The following C11orf87 variants were observed in gnomAD, a reference collection of about 807,000 sequenced individuals.
C11orf87 encodes the protein uncharacterized protein C11orf87.
In C11orf87, 3 loss-of-function variants were observed where a neutral mutation model predicts 9.2. The observed-to-expected ratio is 0.33, with a 90% CI of 0.15 to 0.84. The LOEUF is 0.84. Among genes scored for constraint, C11orf87 ranks in the 40% least tolerant of loss-of-function variants. C11orf87 has a pLI of 0.55. For synonymous variants in C11orf87, 124 were observed against 124.6 expected (o/e 1.00, Z 0.03); for missense variants, 256 against 270.7 (o/e 0.95, Z 0.38).
At position 109,424,118 on chromosome 11, in the gene C11orf87, G is replaced by A; in HGVS notation, c.485G>A (p.Cys162Tyr). The A allele has an allele frequency of 6.2e-7, 1 of 1,613,866 alleles. No homozygotes were observed. Residue 162 changes from cysteine (C) to tyrosine (Y), a missense_variant, in exon 2 of 2, where the codon TGT (cysteine) becomes TAT (tyrosine). Physicochemically the swap from Cys to Tyr is radical, Grantham distance 194. Coordinates refer to ENST00000327419, the MANE Select transcript of C11orf87 (RefSeq NM_207645.4). The surrounding 1 kb of genome is among the most constrained non-coding windows in gnomAD (Gnocchi z 4.7). ...SSPGLPCQGP[C>Y]APPPPPPASS... Reference sequence around the variant, plus strand: ...CCTGGCCTCCCGTGCCAGGGTCCCTGTGCTCCTCCGCCTCCACCGCCAGCC... The same window carrying A: ...CCTGGCCTCCCGTGCCAGGGTCCCTATGCTCCTCCGCCTCCACCGCCAGCC...
In C11orf87 at chr11:109,424,264, G is replaced by T; in HGVS notation, c.*37G>T. On this transcript the variant is annotated 3_prime_UTR_variant, in exon 2 of 2. Transcript: ENST00000327419. This position sits in a 1 kb window ranked among gnomAD's most constrained non-coding sequence, Gnocchi z 4.7. Reference sequence around the variant, plus strand: ...CTCTCGTTCCCCGTCCTCGTTTCCAGCATCTTTGCCACCCTTGCTTTTTTC... The same window carrying T: ...CTCTCGTTCCCCGTCCTCGTTTCCATCATCTTTGCCACCCTTGCTTTTTTC... 6.5e-7 allele frequency: 1 copy of T among 1,533,732 alleles called. No individual in the cohort carries two copies. Among genetic ancestry groups the T allele is most frequent in the African/African-American group, 1.4e-5 (1 of 72,546 alleles).
In C11orf87 at chr11:109,424,968, A is replaced by G. The variant is rs1860550992; in HGVS notation, c.*741A>G. 6.0e-6 allele frequency: 1 copy of G among 167,128 alleles called. No individual in the cohort carries two copies. Among genetic ancestry groups the G allele is most frequent in the Admixed American group, 6.5e-5 (1 of 15,288 alleles). 10.4% of individuals were successfully genotyped at this position (167,128 alleles called of 1,614,324 possible). A position where few individuals can be genotyped will look rare whatever the true frequency, so the allele number is the denominator to read the frequency against. On this transcript the variant is annotated 3_prime_UTR_variant, in exon 2 of 2. Coordinates refer to ENST00000327419, the MANE Select transcript of C11orf87 (RefSeq NM_207645.4). The surrounding 1 kb of genome is among the most constrained non-coding windows in gnomAD (Gnocchi z 4.7). Reference sequence around the variant, plus strand: ...TTAAAATGACCCTCGCTGGCCGAGCATAAGTACGTTAAAATCTTTAAATGA... The same window carrying G: ...TTAAAATGACCCTCGCTGGCCGAGCGTAAGTACGTTAAAATCTTTAAATGA...
rs1860552650 is a variant in C11orf87, at chr11:109,425,036, C to G, written c.*809C>G. On this transcript the variant is annotated 3_prime_UTR_variant, in exon 2 of 2. Transcript: ENST00000327419. ...AACGCTTTCATTCCCTGCCCCGCCCCCACCCGTACACCTTTGACTTGTGAC... is the reference window on the plus strand; with the variant it reads ...AACGCTTTCATTCCCTGCCCCGCCCGCACCCGTACACCTTTGACTTGTGAC... 1 of 167,188 alleles carries G rather than the reference C, an allele frequency of 6.0e-6. No individual in the cohort carries two copies. Among genetic ancestry groups the G allele is most frequent in the Non-Finnish European group, 1.5e-5 (1 of 68,096 alleles). 10.4% of individuals were successfully genotyped at this position (167,188 alleles called of 1,614,324 possible).
rs1201987890 is a variant in C11orf87, at chr11:109,425,115, A to G, written c.*888A>G. On this transcript the variant is annotated 3_prime_UTR_variant, in exon 2 of 2. Coordinates refer to ENST00000327419, the MANE Select transcript of C11orf87 (RefSeq NM_207645.4). ...GCTGTCCAGCCAGGTCTGGTGCTGA[A>G]GTCGCCTCACCGTTCTGATTACTTC... is the stretch of plus-strand genomic sequence containing the variant. The G allele has an allele frequency of 6.0e-6, 1 of 166,740 alleles. No homozygotes were observed. Among genetic ancestry groups the G allele is most frequent in the Admixed American group, 6.6e-5 (1 of 15,234 alleles). 10.3% of individuals were successfully genotyped at this position (166,740 alleles called of 1,614,324 possible). A position where few individuals can be genotyped will look rare whatever the true frequency, so the allele number is the denominator to read the frequency against.
chr11:109,426,352 C>T lies in C11orf87; in HGVS notation c.*2125C>T, dbSNP rs1219969496. The T allele has an allele frequency of 6.6e-6, 1 of 152,164 alleles. No individual in the cohort carries two copies. Among genetic ancestry groups the T allele is most frequent in the East Asian group, 1.9e-4 (1 of 5,198 alleles). 9.4% of individuals were successfully genotyped at this position (152,164 alleles called of 1,614,324 possible). On this transcript the variant is annotated 3_prime_UTR_variant, in exon 2 of 2. Transcript: ENST00000327419. ...TTGGTCCAGACATATGTGCTCTTAT[C>T]CAGAGGAAACATTACCTCTAATATT... is the stretch of plus-strand genomic sequence containing the variant.
rs74732033 is a variant in C11orf87 at position 109,423,892 on chromosome 11, C to A, written c.259C>A (p.Arg87Ser). Reference protein sequence around the residue: ...LSLSTFHIHKRRMKKRKMQRA... With the variant: ...LSLSTFHIHKSRMKKRKMQRA... ...CCTCTCCACTTTCCACATCCACAAG[C>A]GTAGGATGAAGAAGCGGAAGATGCA... Residue 87 changes from arginine to serine, a missense_variant, in exon 2 of 2, where the codon CGT (arginine) becomes AGT (serine). Physicochemically the swap from Arg to Ser is moderately radical, Grantham distance 110 (BLOSUM62 -1). Transcript: ENST00000327419. The surrounding 1 kb of genome is among the most constrained non-coding windows in gnomAD (Gnocchi z 5.3). The A allele has an allele frequency of 1.2e-6, 2 of 1,614,002 alleles. No homozygotes were observed. Among genetic ancestry groups the A allele is most frequent in the Non-Finnish European group, 1.7e-6 (2 of 1,179,974 alleles).
In C11orf87 at chr11:109,423,299, G is replaced by A. The variant is rs1463773793; in HGVS notation, c.-259-76G>A. 4 of 381,142 alleles carry A rather than the reference G, an allele frequency of 1.0e-5. No individual in the cohort carries two copies. The East Asian group carries it at 1.7e-4, about 16-fold the overall frequency. 23.6% of individuals were successfully genotyped at this position (381,142 alleles called of 1,614,324 possible). On this transcript the variant is annotated intron_variant, in intron 1 of 1. Coordinates refer to ENST00000327419, the MANE Select transcript of C11orf87 (RefSeq NM_207645.4). The surrounding 1 kb of genome is among the most constrained non-coding windows in gnomAD (Gnocchi z 5.3). ...CAGTGTGCCCAGAGGGCCGCTTTGC[G>A]GTGGTGGTTGATCTTTCCCGACAGC...
chr11:109,428,261 G>A lies in C11orf87; in HGVS notation c.*4034G>A, dbSNP rs1367169311. ...TTGTGTAGAAATACAATTTATATCT[G>A]CATAGCTAAAGGTAAAGTGAAAATA... On this transcript the variant is annotated 3_prime_UTR_variant, in exon 2 of 2. Transcript: ENST00000327419. 1 of 152,016 alleles carries A rather than the reference G, an allele frequency of 6.6e-6. No homozygotes were observed. Among genetic ancestry groups the A allele is most frequent in the Non-Finnish European group, 1.5e-5 (1 of 67,958 alleles). 9.4% of individuals were successfully genotyped at this position (152,016 alleles called of 1,614,324 possible).
rs1860547773 is a variant in C11orf87 at position 109,424,732 on chromosome 11, A to G, written c.*505A>G. 1 of 167,052 alleles carries G rather than the reference A, an allele frequency of 6.0e-6. No individual in the cohort carries two copies. Among genetic ancestry groups the G allele is most frequent in the African/African-American group, 2.4e-5 (1 of 41,388 alleles). 10.3% of individuals were successfully genotyped at this position (167,052 alleles called of 1,614,324 possible). Reference sequence around the variant, plus strand: ...ACCCCTAAGCTTTCACTTTTCCTTTAGCTTCCCTTTCCTCCCCATTCCCAC... The same window carrying G: ...ACCCCTAAGCTTTCACTTTTCCTTTGGCTTCCCTTTCCTCCCCATTCCCAC... On this transcript the variant is annotated 3_prime_UTR_variant, in exon 2 of 2. Coordinates refer to ENST00000327419, the MANE Select transcript of C11orf87 (RefSeq NM_207645.4). This position sits in a 1 kb window ranked among gnomAD's most constrained non-coding sequence, Gnocchi z 4.7.
chr11:109,422,722 CTTTTTTTT>C lies in C11orf87; in HGVS notation c.-260+478_-260+485del, dbSNP rs772868114. ...TCAGCTGAGAAAGATGCTTCAGCTGCTTTTTTTTTTTTTTTTTTTTTTTTTTGGAGAGG... is the reference window on the plus strand; with the variant it reads ...TCAGCTGAGAAAGATGCTTCAGCTGCTTTTTTTTTTTTTTTTTTGGAGAGG... On this transcript the variant is annotated intron_variant, in intron 1 of 1. Coordinates refer to ENST00000327419, the MANE Select transcript of C11orf87 (RefSeq NM_207645.4). Among the ~76,000 whole-genome samples the C allele has an allele frequency of 7.7e-4, 55 of 71,422 alleles. No homozygotes were observed. In the South Asian group the frequency reaches 0.027, roughly 35 times the overall value. 46.9% of individuals were successfully genotyped at this position (71,422 alleles called of 152,430 possible).
chr11:109,428,378 A>G lies in C11orf87; in HGVS notation c.*4151A>G, dbSNP rs527782196. The G allele has an allele frequency of 2.6e-5, 4 of 152,224 alleles. No individual in the cohort carries two copies. The highest frequency in any genetic ancestry group is 1.3e-4 in the Admixed American group (2 of 15,288). 9.4% of individuals were successfully genotyped at this position (152,224 alleles called of 1,614,324 possible). On this transcript the variant is annotated 3_prime_UTR_variant, in exon 2 of 2. Transcript: ENST00000327419. ...TTCTTTGACATCTGACTTTTCCACC[A>G]TTTCTATCTGTATCAATTGTATTAA...
chr11:109,423,817 C>T lies in C11orf87; in HGVS notation c.184C>T (p.Leu62=). The change falls in exon 2 of 2, where the codon CTG becomes TTG. Residue 62 remains leucine (L), a synonymous_variant. Coordinates refer to ENST00000327419, the MANE Select transcript of C11orf87 (RefSeq NM_207645.4). The surrounding 1 kb of genome is among the most constrained non-coding windows in gnomAD (Gnocchi z 5.3). ...QQLFQSFSST[L]VLIVLVTLIF... ...GCTCTTCCAGTCCTTCTCCTCCACG[C>T]TGGTGCTGATTGTCCTGGTTACCCT... 1 of 1,614,142 alleles carries T rather than the reference C, an allele frequency of 6.2e-7. No individual in the cohort carries two copies. The highest frequency in any genetic ancestry group is 8.5e-7 in the Non-Finnish European group (1 of 1,179,978).
chr11:109,428,235 G>A lies in C11orf87; in HGVS notation c.*4008G>A, dbSNP rs1464827131. The A allele has an allele frequency of 6.6e-6, 1 of 152,050 alleles. No individual in the cohort carries two copies. Among genetic ancestry groups the A allele is most frequent in the Non-Finnish European group, 1.5e-5 (1 of 67,958 alleles). 9.4% of individuals were successfully genotyped at this position (152,050 alleles called of 1,614,324 possible). On this transcript the variant is annotated 3_prime_UTR_variant, in exon 2 of 2. Coordinates refer to ENST00000327419, the MANE Select transcript of C11orf87 (RefSeq NM_207645.4). ...GATTTTTTTCATTTTCAACCTATAT[G>A]TTGTGTAGAAATACAATTTATATCT...
rs1354903697 is a variant in C11orf87 at position 109,428,815 on chromosome 11, A to AT, written c.*4589dup. 1 of 152,216 alleles carries AT rather than the reference A, an allele frequency of 6.6e-6. No homozygotes were observed. The highest frequency in any genetic ancestry group is 2.1e-4 in the South Asian group (1 of 4,828). 9.4% of individuals were successfully genotyped at this position (152,216 alleles called of 1,614,324 possible). A position where few individuals can be genotyped will look rare whatever the true frequency, so the allele number is the denominator to read the frequency against. On this transcript the variant is annotated 3_prime_UTR_variant, in exon 2 of 2. Coordinates refer to ENST00000327419, the MANE Select transcript of C11orf87 (RefSeq NM_207645.4). ...AATACTTATTAATGTCTTCAACCTA[A>AT]TAATACAATTGGTGTCATGTATGAA...
In C11orf87 at chr11:109,423,469, T is replaced by A; in HGVS notation, c.-165T>A. The A allele has an allele frequency of 1.5e-6, 1 of 678,670 alleles. No individual in the cohort carries two copies. The highest frequency in any genetic ancestry group is 2.4e-6 in the Non-Finnish European group (1 of 411,550). 42.0% of individuals were successfully genotyped at this position (678,670 alleles called of 1,614,324 possible). On this transcript the variant is annotated 5_prime_UTR_variant, in exon 2 of 2. Coordinates refer to ENST00000327419, the MANE Select transcript of C11orf87 (RefSeq NM_207645.4). The surrounding 1 kb of genome is among the most constrained non-coding windows in gnomAD (Gnocchi z 5.3). ...GGCGCCGCTCACTCCTTGGTCGCCT[T>A]GCTTGCCAGCAGTTGCTCCCTTAGT...
At position 109,424,402 on chromosome 11, in the gene C11orf87, T is replaced by A; in HGVS notation, c.*175T>A. On this transcript the variant is annotated 3_prime_UTR_variant, in exon 2 of 2. Coordinates refer to ENST00000327419, the MANE Select transcript of C11orf87 (RefSeq NM_207645.4). The surrounding 1 kb of genome is among the most constrained non-coding windows in gnomAD (Gnocchi z 4.7). ...CCGCCGAGGCACTGTGCGGTATTTG[T>A]AAATATTGGGCGAGGAAAGTCTCGG... 1.7e-6 allele frequency: 1 copy of A among 571,612 alleles called. No homozygotes were observed. Among genetic ancestry groups the A allele is most frequent in the Non-Finnish European group, 3.1e-6 (1 of 319,438 alleles). The allele number at this position is 571,612 out of a possible 1,614,324, so 35.4% of individuals were successfully genotyped here. A position where few individuals can be genotyped will look rare whatever the true frequency, so the allele number is the denominator to read the frequency against.
rs539271826 is a variant in C11orf87, at chr11:109,423,751, G to A, written c.118G>A (p.Ala40Thr). ...CAACACGGGTGCCCGCGGCCCAGGC[G>A]CAGTAGGCAGCGGCACCTGCATCAC... Reference protein sequence around the residue: ...SGNTGARGPGAVGSGTCITQV... With the variant: ...SGNTGARGPGTVGSGTCITQV... The change falls in exon 2 of 2, where the codon GCA (alanine) becomes ACA (threonine). Residue 40 changes from alanine (A) to threonine (T), a missense_variant. Transcript: ENST00000327419. The surrounding 1 kb of genome is among the most constrained non-coding windows in gnomAD (Gnocchi z 5.3). The A allele has an allele frequency of 3.4e-5, 55 of 1,613,804 alleles. No individual in the cohort carries two copies. Among genetic ancestry groups the A allele is most frequent in the Admixed American group, 3.2e-4 (19 of 59,992 alleles).
Position 109,427,624 on chromosome 11 carries a change from C to A in C11orf87, c.*3397C>A, listed in dbSNP as rs565073003. The A allele has an allele frequency of 6.6e-6, 1 of 152,116 alleles. No individual in the cohort carries two copies. Among genetic ancestry groups the A allele is most frequent in the Non-Finnish European group, 1.5e-5 (1 of 67,986 alleles). The allele number at this position is 152,116 out of a possible 1,614,324, so 9.4% of individuals were successfully genotyped here. A position where few individuals can be genotyped will look rare whatever the true frequency, so the allele number is the denominator to read the frequency against. On this transcript the variant is annotated 3_prime_UTR_variant, in exon 2 of 2. Coordinates refer to ENST00000327419, the MANE Select transcript of C11orf87 (RefSeq NM_207645.4). ...CACTGATGTCCCGTCAAACTAAATG[C>A]TTCAAACCCCTATAGCTACAGCTTA... is the stretch of plus-strand genomic sequence containing the variant.
chr11:109,424,299 T>C lies in C11orf87; in HGVS notation c.*72T>C. On this transcript the variant is annotated 3_prime_UTR_variant, in exon 2 of 2. Coordinates refer to ENST00000327419, the MANE Select transcript of C11orf87 (RefSeq NM_207645.4). This position sits in a 1 kb window ranked among gnomAD's most constrained non-coding sequence, Gnocchi z 4.7. ...CACCCTTGCTTTTTTCCTTCTTCCT[T>C]CCTTTTCCATTTTCCTCTGGCCCCT... The C allele has an allele frequency of 1.6e-6, 2 of 1,261,522 alleles. 1 individual carries two copies. The highest frequency in any genetic ancestry group is 2.7e-5 in the South Asian group (2 of 74,426). 78.1% of individuals were successfully genotyped at this position (1,261,522 alleles called of 1,614,324 possible).
Sources: gnomAD v4.1 joint callset for allele counts (sites outside exome capture counted in the v4.1 genomes callset) on GRCh38, gnomAD v4.1.1 for gene constraint, Gnocchi (gnomAD v3.1) non-coding constraint, MANE v1.5 for transcripts, NCBI Gene and HGNC (gene_info 2026-07-23, HGNC 2026-07-21) for gene names.